The following PRKCQ variants were observed in gnomAD, a reference collection of about 807,000 sequenced individuals.
The protein encoded by PRKCQ is protein kinase C theta type.
Under a neutral mutation model 91.2 loss-of-function variants are expected in PRKCQ, and 41 were observed. The ratio of observed to expected loss-of-function variants is 0.45; its 90% confidence interval spans 0.35 to 0.58. The LOEUF (loss-of-function observed/expected upper bound fraction) is 0.58. Ranked by LOEUF, PRKCQ falls within the 20% of genes least tolerant of loss-of-function variation. The pLI, the probability that PRKCQ is intolerant of heterozygous loss-of-function variation, is 0.00. For synonymous variants in PRKCQ, 307 were observed against 316.9 expected (o/e 0.97, Z 0.33); for missense variants, 673 against 896.5 (o/e 0.75, Z 3.18).
chr10:6,527,412 G>A lies in PRKCQ; in HGVS notation c.-9-12268C>T, dbSNP rs190220784. Among the ~76,000 whole-genome samples, 74 of 152,214 alleles carry A rather than the reference G, an allele frequency of 4.9e-4. 1 individual carries two copies. In the East Asian group the frequency reaches 0.011, roughly 23 times the overall value. ...AGGACAACAGCACCCATCACTTACC[G>A]AGCAGTTGCTAATCATGGTCATTAT... On this transcript the variant is annotated intron_variant, in intron 1 of 17. Transcript: ENST00000263125.
At chr10:6,420,288 C>G in the PRKCQ span, among the ~76,000 whole-genome samples, 1 of 152,324 alleles carries the variant, frequency 6.6e-6, no homozygotes, top group Non-Finnish European at 1.5e-5. Flanking sequence ...GCCTTCGAAT[C>G]TGTGAGTTGG....
chr10:6,422,153 T>C (rs1204558280), downstream of PRKCQ, among the ~76,000 whole-genome samples: 5 of 152,208 alleles, frequency 3.3e-5, no homozygotes, highest in African/African-American at 1.2e-4. Context: ...ATGATTTATG[T>C]TGGGATGCAG....
At chr10:6,493,283 TTAAGA>T (rs1564349352) in intron 7 of PRKCQ, among the ~76,000 whole-genome samples, 1 of 112,426 alleles carries the variant, frequency 8.9e-6, no homozygotes, top group Admixed American at 8.4e-5. Context: ...ATAAAATTAC[TTAAGA>T]TATCTGAATT....
chr10:6,478,418 A>G (rs1327106099), intron 12 of PRKCQ, among the ~76,000 whole-genome samples: 4 of 152,142 alleles, frequency 2.6e-5, no homozygotes, highest in African/African-American at 9.7e-5. Context: ...TTTTTTAAGG[A>G]AAAAGGAGAC....
intron 1 of PRKCQ, among the ~76,000 whole-genome samples, chr10:6,571,434 C>G (rs1841042331): frequency 6.6e-6 from 1 of 152,310 alleles, no homozygotes; most frequent in Admixed American, 6.5e-5. Context: ...CTTTATGAAA[C>G]TGATGGGTAT....
intron 3 of PRKCQ, 46 bp from the exon 4 acceptor site, chr10:6,507,542 C>A: frequency 6.5e-7 from 1 of 1,538,998 alleles, no homozygotes; most frequent in Non-Finnish European, 9.0e-7. Flanking sequence ...GTGAAACAAG[C>A]CCTGAGTTCA....
At chr10:6,411,702 TA>T in the PRKCQ span, among the ~76,000 whole-genome samples, 3 of 152,202 alleles carry the variant, frequency 2.0e-5, no homozygotes, top group African/African-American at 7.2e-5. Context: ...TGTCAAAACC[TA>T]AAATATTGGC....
intron 14 of PRKCQ, 36 bp from the exon 15 acceptor site, chr10:6,456,848 C>T (rs1259583470): frequency 1.2e-6 from 2 of 1,609,166 alleles, no homozygotes; most frequent in Non-Finnish European, 8.5e-7. Context: ...TCACATTAAT[C>T]AATATAATTT....
At chr10:6,434,083 C>G (rs1833566169) in intron 16 of PRKCQ, among the ~76,000 whole-genome samples, 2 of 149,638 alleles carry the variant, frequency 1.3e-5, no homozygotes, top group Non-Finnish European at 3.0e-5. Context: ...TGCCCTATAT[C>G]CCTTCTCCTG....
At chr10:6,469,677 A>G (rs1323138146) in intron 12 of PRKCQ, among the ~76,000 whole-genome samples, 1 of 152,206 alleles carries the variant, frequency 6.6e-6, no homozygotes, top group Non-Finnish European at 1.5e-5. Flanking sequence ...GTGACCAGCT[A>G]GGCTTATCTT....
intron 1 of PRKCQ, among the ~76,000 whole-genome samples, chr10:6,530,501 T>G (rs1839353493): frequency 6.6e-6 from 1 of 152,248 alleles, no homozygotes; most frequent in African/African-American, 2.4e-5. Context: ...GAAGCCCGCA[T>G]GTGCCGGCTC....
the PRKCQ span, among the ~76,000 whole-genome samples, chr10:6,407,074 A>G: frequency 6.6e-6 from 1 of 152,250 alleles, no homozygotes; most frequent in African/African-American, 2.4e-5. The surrounding 1 kb of genome is among the most constrained non-coding windows in gnomAD (Gnocchi z 4.0). Flanking sequence ...TAATTTCACA[A>G]ACCCAAAAAG....
chr10:6,562,396 C>T (rs557488260), intron 1 of PRKCQ, among the ~76,000 whole-genome samples: 11 of 152,154 alleles, frequency 7.2e-5, no homozygotes, highest in Non-Finnish European at 1.5e-4. Flanking sequence ...GAGAGACGCA[C>T]GCTTCAGGGC....
chr10:6,499,495 G>T (rs796321609), intron 4 of PRKCQ, among the ~76,000 whole-genome samples: 5 of 152,258 alleles, frequency 3.3e-5, no homozygotes, highest in African/African-American at 1.2e-4. Flanking sequence ...CACAGCAGGT[G>T]AGAGAGAATA....
At chr10:6,544,103 C>T (rs1469142907) in intron 1 of PRKCQ, among the ~76,000 whole-genome samples, 2 of 152,062 alleles carry the variant, frequency 1.3e-5, no homozygotes, top group Non-Finnish European at 2.9e-5. Context: ...TTGAAGAGCT[C>T]TCAGGAAAGA....
chr10:6,462,789 G>A (rs1032180505), intron 13 of PRKCQ, among the ~76,000 whole-genome samples: 13 of 152,120 alleles, frequency 8.5e-5, no homozygotes, highest in African/African-American at 3.1e-4. Flanking sequence ...TGGATCACTT[G>A]AAGTCAGGAG....
At chr10:6,503,031 C>G (rs993825808) in intron 4 of PRKCQ, among the ~76,000 whole-genome samples, 2 of 152,120 alleles carry the variant, frequency 1.3e-5, no homozygotes, top group Admixed American at 1.3e-4. Flanking sequence ...ATGACTTTTT[C>G]TAGCAAAGCC....
intron 16 of PRKCQ, among the ~76,000 whole-genome samples, chr10:6,440,413 C>T (rs1000896774): frequency 6.6e-6 from 1 of 152,204 alleles, no homozygotes; most frequent in Middle Eastern, 3.2e-3. Context: ...TTCTGCAGAA[C>T]CTAGTAGAGT....
At chr10:6,533,620 C>T (rs1054999375) in intron 1 of PRKCQ, among the ~76,000 whole-genome samples, 1 of 152,082 alleles carries the variant, frequency 6.6e-6, no homozygotes, top group East Asian at 1.9e-4. Flanking sequence ...CTTCTCCCAG[C>T]CCTAATAGGT....
Sources: gnomAD v4.1 joint callset for allele counts (sites outside exome capture counted in the v4.1 genomes callset) on GRCh38, gnomAD v4.1.1 for gene constraint, Gnocchi (gnomAD v3.1) non-coding constraint, MANE v1.5 for transcripts, NCBI Gene and HGNC (gene_info 2026-07-23, HGNC 2026-07-21) for gene names.